The following DNAH14 variants were observed in gnomAD, a reference collection of about 807,000 sequenced individuals.
DNAH14 encodes dynein axonemal heavy chain 14.
DNAH14 carries 478 observed loss-of-function variants against 520.9 expected under a neutral mutation model. That is an observed-to-expected ratio of 0.92 (90% CI 0.85 to 0.99). The LOEUF is 0.99. DNAH14 is among the 50% of genes least tolerant of loss of function. The pLI is 0.00. For synonymous variants in DNAH14, 1,581 were observed against 1,757.2 expected (o/e 0.90, Z 2.51); for missense variants, 4,831 against 5,234.5 (o/e 0.92, Z 2.38).
intron 10 of DNAH14, among the ~76,000 whole-genome samples, chr1:225,012,606 G>A (rs2064876656): frequency 6.6e-6 from 1 of 152,110 alleles, no homozygotes; most frequent in Non-Finnish European, 1.5e-5. Flanking sequence ...CCAATCAAAC[G>A]TAGGTTTGGT....
chr1:225,149,034 A>G (rs958393174), intron 31 of DNAH14, among the ~76,000 whole-genome samples: 4 of 152,122 alleles, frequency 2.6e-5, no homozygotes, highest in Admixed American at 1.3e-4. Flanking sequence ...GCCCATTCCT[A>G]TGTCCAAAAT....
rs566184135 is a variant in DNAH14, at chr1:225,019,579, C to A, written c.1108-4036C>A. Among the ~76,000 whole-genome samples the A allele has an allele frequency of 3.9e-5, 6 of 152,284 alleles. No individual in the cohort carries two copies. In the East Asian group the frequency reaches 1.2e-3, roughly 29 times the overall value. On this transcript the variant is annotated intron_variant, in intron 10 of 85. Transcript: ENST00000682510. ...TACTTGACCAGTTGGATCTAACAGA[C>A]ACCTACAGAACACTATGCCTAACAA...
At position 225,152,868 on chromosome 1, in the gene DNAH14, A is replaced by G; in HGVS notation, c.5181A>G (p.Lys1727=). ...CTAACCTTTATGAATTAGCGCGCAAACAGCTCTCACAACAGGTAAATAGCT... is the reference window on the plus strand; with the variant it reads ...CTAACCTTTATGAATTAGCGCGCAAGCAGCTCTCACAACAGGTAAATAGCT... The part of the protein sequence containing the change: ...KLTNLYELAR[K]QLSQQDHYNF... The change falls in exon 33 of 86, where the codon AAA becomes AAG. Residue 1727 remains lysine, a synonymous_variant. Transcript: ENST00000682510. 1.3e-6 allele frequency: 2 copies of G among 1,550,026 alleles called. No individual in the cohort carries two copies. Among genetic ancestry groups the G allele is most frequent in the Non-Finnish European group, 8.7e-7 (1 of 1,146,604 alleles).
chr1:224,945,068 T>G (rs1307113985), intron 1 of DNAH14, among the ~76,000 whole-genome samples: 2 of 152,196 alleles, frequency 1.3e-5, no homozygotes, highest in South Asian at 2.1e-4. Context: ...AGTTCTCCTG[T>G]ATAATATCCT....
chr1:225,269,295 G>T (rs560478069), intron 49 of DNAH14, among the ~76,000 whole-genome samples: 4 of 152,146 alleles, frequency 2.6e-5, no homozygotes, highest in Non-Finnish European at 4.4e-5. Flanking sequence ...GCTGAAACTG[G>T]ATCCCTTCCT....
intron 1 of DNAH14, among the ~76,000 whole-genome samples, chr1:224,945,279 T>C (rs929343062): frequency 6.6e-6 from 1 of 152,228 alleles, no homozygotes; most frequent in Admixed American, 6.5e-5. Context: ...TTCCAGTTGA[T>C]CGAATCGGCT....
At chr1:225,282,824 C>G (rs1216689020) in intron 54 of DNAH14, among the ~76,000 whole-genome samples, 3 of 152,168 alleles carry the variant, frequency 2.0e-5, no homozygotes, top group Non-Finnish European at 2.9e-5. Context: ...GTTTATTGAT[C>G]ATTCGGGTCT....
At chr1:225,240,172 G>A (rs1042632993) in intron 42 of DNAH14, among the ~76,000 whole-genome samples, 20 of 151,686 alleles carry the variant, frequency 1.3e-4, no homozygotes, top group African/African-American at 4.6e-4. Context: ...CCAAAATACA[G>A]ATAAACTGTC....
chr1:224,993,027 A>G (rs759475932), intron 8 of DNAH14, among the ~76,000 whole-genome samples: 3 of 152,056 alleles, frequency 2.0e-5, no homozygotes, highest in Admixed American at 6.6e-5. Context: ...TGTATGTTGA[A>G]CCATTCTTGC....
chr1:224,941,872 C>CT (rs1384272869), intron 1 of DNAH14, among the ~76,000 whole-genome samples: 3 of 152,164 alleles, frequency 2.0e-5, no homozygotes, highest in Non-Finnish European at 2.9e-5. Context: ...GTCTATATCT[C>CT]TGTTTTGGTA....
At chr1:225,113,068 G>A (rs529600882) in intron 23 of DNAH14, among the ~76,000 whole-genome samples, 1 of 152,158 alleles carries the variant, frequency 6.6e-6, no homozygotes, top group South Asian at 2.1e-4. Context: ...GAAGAGTTAT[G>A]TATTTATTGT....
Position 225,038,773 on chromosome 1 carries a change from G to T in DNAH14, c.1438G>T (p.Ala480Ser). 1.3e-6 allele frequency: 2 copies of T among 1,528,560 alleles called. No homozygotes were observed. Among genetic ancestry groups the T allele is most frequent in the Non-Finnish European group, 1.8e-6 (2 of 1,138,920 alleles). 94.7% of individuals were successfully genotyped at this position (1,528,560 alleles called of 1,614,324 possible). Residue 480 changes from alanine (A) to serine (S), a missense_variant, in exon 12 of 86, where the codon GCT becomes TCT. Coordinates refer to ENST00000682510, the MANE Select transcript of DNAH14 (RefSeq NM_001367479.1). ...EELVDNSKLH[A>S]ISVQKSEVKT... ...ACTTGTTGATAATTCAAAGTTACAT[G>T]CTATTTCTGTTCAAAAGTCAGAAGT... is the stretch of plus-strand genomic sequence containing the variant.
At chr1:224,935,719 A>T (rs1407455831) in intron 1 of DNAH14, among the ~76,000 whole-genome samples, 1 of 151,938 alleles carries the variant, frequency 6.6e-6, no homozygotes, top group African/African-American at 2.4e-5. Context: ...AAATGAACTT[A>T]ACAAACATTT....
chr1:225,086,996 A>G (rs2073887719), intron 21 of DNAH14, among the ~76,000 whole-genome samples: 1 of 18,830 alleles, frequency 5.3e-5, no homozygotes, highest in Admixed American at 9.4e-4. Flanking sequence ...AACACCACAC[A>G]CACACACACA....
At chr1:225,080,794 A>C in intron 19 of DNAH14, 46 bp downstream of exon 19, 5 of 1,468,542 alleles carry the variant, frequency 3.4e-6, no homozygotes, top group Non-Finnish European at 4.5e-6. Context: ...CTATATACCA[A>C]ATGGCCTTTG....
At chr1:224,988,056 C>G (rs987782090) in intron 8 of DNAH14, among the ~76,000 whole-genome samples, 12 of 150,988 alleles carry the variant, frequency 7.9e-5, no homozygotes, top group Non-Finnish European at 1.5e-4. Context: ...CTCCCTCCCC[C>G]ACCTCTACCT....
At chr1:225,283,092 A>G (rs1394456165) in intron 54 of DNAH14, among the ~76,000 whole-genome samples, 1 of 151,908 alleles carries the variant, frequency 6.6e-6, no homozygotes, top group Non-Finnish European at 1.5e-5. Context: ...GAAAACGAAG[A>G]TAGAGCTCTG....
Position 225,143,420 on chromosome 1 carries a change from G to T in DNAH14, c.4509-977G>T, listed in dbSNP as rs116031801. Among the ~76,000 whole-genome samples, 450 of 151,940 alleles carry T rather than the reference G, an allele frequency of 3.0e-3. 3 individuals carry two copies. The highest frequency in any genetic ancestry group is 0.01 in the African/African-American group (421 of 41,484). On this transcript the variant is annotated intron_variant, in intron 28 of 85. Transcript: ENST00000682510. ...AAATTTTTCTTTTATTTTTAATTAA[G>T]TTTATTTTTAAAATTTACTCACTTT...
chr1:224,975,866 T>C (rs1167366945), intron 8 of DNAH14, among the ~76,000 whole-genome samples: 1 of 152,078 alleles, frequency 6.6e-6, no homozygotes, highest in Non-Finnish European at 1.5e-5. Flanking sequence ...GGGCATTTAG[T>C]GCTATAAATT....
Sources: gnomAD v4.1 joint callset for allele counts (sites outside exome capture counted in the v4.1 genomes callset) on GRCh38, gnomAD v4.1.1 for gene constraint, MANE v1.5 for transcripts, NCBI Gene and HGNC (gene_info 2026-07-23, HGNC 2026-07-21) for gene names.